Variants in SGK1 observed in about 807,000 individuals in gnomAD.
The protein encoded by SGK1 is serum/glucocorticoid regulated kinase 1, also known as serine/threonine-protein kinase Sgk1.
SGK1 carries 26 observed loss-of-function variants against 64.2 expected under a neutral mutation model. That is an observed-to-expected ratio of 0.40 (90% CI 0.30 to 0.56). The LOEUF (loss-of-function observed/expected upper bound fraction) is 0.56, where lower values mean the gene tolerates loss of function less well. Ranked by LOEUF, SGK1 falls within the 20% of genes least tolerant of loss-of-function variation. The probability of loss-of-function intolerance (pLI) is 0.38; values close to 1 mark genes in which losing one functional copy is unlikely to be tolerated. For synonymous variants in SGK1, 265 were observed against 239.7 expected, an observed-to-expected ratio of 1.11 and a Z score of -0.98; for missense variants, 519 against 645.6, an observed-to-expected ratio of 0.80 and a Z score of 2.12.
intron 2 of SGK1, among the ~76,000 whole-genome samples, chr6:134,217,946 C>G (rs867516726): frequency 1.3e-5 from 2 of 152,240 alleles, no homozygotes; most frequent in Non-Finnish European, 2.9e-5. Context: ...AATTCACCAC[C>G]CAACCCACTT....
At chr6:134,262,631 G>A (rs186419576) in intron 1 of SGK1, among the ~76,000 whole-genome samples, 19 of 151,948 alleles carry the variant, frequency 1.3e-4, no homozygotes, top group African/African-American at 4.3e-4. Context: ...CCTGGGAAGC[G>A]GAGGTTGCAG....
chr6:134,203,958 G>A (rs1775726221), intron 3 of SGK1, among the ~76,000 whole-genome samples: 1 of 151,964 alleles, frequency 6.6e-6, no homozygotes, highest in African/African-American at 2.4e-5. Flanking sequence ...CAGTTACTCA[G>A]GAGGCTGAGG....
rs887427106 is a variant in SGK1, at chr6:134,248,445, C to G, written c.285+13488G>C. Among the ~76,000 whole-genome samples, 11 of 103,040 alleles carry G rather than the reference C, an allele frequency of 1.1e-4. No homozygotes were observed. In the East Asian group the frequency reaches 1.4e-3, roughly 13 times the overall value. 67.6% of individuals were successfully genotyped at this position (103,040 alleles called of 152,430 possible). On this transcript the variant is annotated intron_variant, in intron 2 of 13. Coordinates refer to ENST00000367858, the MANE Select transcript of SGK1 (RefSeq NM_001143676.3). ...CTTAGAAACACCTGCTCTCCTCCGC[C>G]TTTTTTTTTTTTTTTTTTTTTTTTT...
chr6:134,262,043 C>G lies in SGK1; in HGVS notation c.175G>C (p.Asp59His). 2 of 1,614,002 alleles carry G rather than the reference C, an allele frequency of 1.2e-6. No individual in the cohort carries two copies. The highest frequency in any genetic ancestry group is 2.2e-5 in the South Asian group (2 of 91,080). ...SMVHIPPGEP[D>H]FESSLCQTCL... is the part of the protein sequence containing the mutation. The stretch of plus-strand genomic sequence containing the variant: ...GTTTGACACAAGGAAGACTCGAAGT[C>G]TGGCTCCCCTGGAGGGATGTGCACC... Residue 59 changes from aspartate (D) to histidine (H), a missense_variant, in exon 2 of 14, where the codon GAC becomes CAC. Physicochemically the swap from Asp to His is moderately conservative, Grantham distance 81. Around this residue, in one of 2 missense-constraint regions of SGK1, gnomAD observed 241 missense variants for 236.9 expected, o/e 1.02. Transcript: ENST00000367858.
chr6:134,306,573 G>T (rs560373778), intron 1 of SGK1, among the ~76,000 whole-genome samples: 2 of 152,062 alleles, frequency 1.3e-5, no homozygotes, highest in Non-Finnish European at 2.9e-5. Flanking sequence ...TCCCAGGCTG[G>T]AGTACAGTGG....
chr6:134,214,252 T>C (rs1775940407), intron 2 of SGK1, among the ~76,000 whole-genome samples: 2 of 152,128 alleles, frequency 1.3e-5, no homozygotes. Context: ...CTGACAACTT[T>C]TTTTTGCCTA....
chr6:134,234,652 G>A (rs1460235692), intron 2 of SGK1, among the ~76,000 whole-genome samples: 1 of 151,948 alleles, frequency 6.6e-6, no homozygotes, highest in Non-Finnish European at 1.5e-5. Context: ...CGGGGCGGGT[G>A]GATCACCTGA....
At chr6:134,311,699 A>G (rs1455420221) in intron 1 of SGK1, among the ~76,000 whole-genome samples, 1 of 152,120 alleles carries the variant, frequency 6.6e-6, no homozygotes, top group African/African-American at 2.4e-5. Context: ...CTACAGAGGA[A>G]TAAGCAGTAC....
intron 3 of SGK1, among the ~76,000 whole-genome samples, chr6:134,192,075 C>T (rs910366133): frequency 9.4e-4 from 143 of 151,882 alleles, no homozygotes; most frequent in African/African-American, 3.3e-3. Flanking sequence ...GTGATCCGCC[C>T]GCCTTGGCGT....
At chr6:134,192,065 G>A (rs1343859696) in intron 3 of SGK1, among the ~76,000 whole-genome samples, 5 of 151,584 alleles carry the variant, frequency 3.3e-5, no homozygotes, top group African/African-American at 7.3e-5. Context: ...TCCTGACCTC[G>A]TGATCCGCCC....
chr6:134,211,342 T>C (rs1380513831), intron 2 of SGK1: 2 of 152,122 alleles, frequency 1.3e-5, no homozygotes, highest in Non-Finnish European at 2.9e-5. Context: ...TGATTGTAGA[T>C]GTAAGACTGA....
intron 3 of SGK1, among the ~76,000 whole-genome samples, chr6:134,186,021 C>T (rs77643596): frequency 2.6e-3 from 394 of 151,862 alleles, no homozygotes; most frequent in African/African-American, 8.9e-3. Flanking sequence ...CAGACTCACA[C>T]ATCAGTCTCC....
intron 2 of SGK1, among the ~76,000 whole-genome samples, chr6:134,214,384 C>T (rs544165062): frequency 6.6e-5 from 10 of 152,040 alleles, no homozygotes; most frequent in Non-Finnish European, 1.0e-4. Context: ...TGAGGTCAGG[C>T]GTTCGAGACC....
Position 134,208,765 on chromosome 6 carries a change from T to C in SGK1, c.286-1334A>G, listed in dbSNP as rs59270495. Among the ~76,000 whole-genome samples the C allele has an allele frequency of 3.2e-4, 23 of 71,204 alleles. No homozygotes were observed. In the South Asian group the frequency reaches 0.011, roughly 35 times the overall value. 46.7% of individuals were successfully genotyped at this position (71,204 alleles called of 152,430 possible). On this transcript the variant is annotated intron_variant, in intron 2 of 13. Coordinates refer to ENST00000367858, the MANE Select transcript of SGK1 (RefSeq NM_001143676.3). ...GTATGCGTATATATATATATACACA[T>C]ATATATGTGTATATATAGATATACA...
chr6:134,281,563 G>T (rs1388217590), intron 1 of SGK1, among the ~76,000 whole-genome samples: 2 of 150,772 alleles, frequency 1.3e-5, no homozygotes, highest in Non-Finnish European at 1.5e-5. Flanking sequence ...GGTCTCCCAG[G>T]CAGGAGTGCA....
At chr6:134,182,483 G>A (rs1483389003) in intron 3 of SGK1, among the ~76,000 whole-genome samples, 4 of 150,686 alleles carry the variant, frequency 2.7e-5, no homozygotes, top group African/African-American at 4.9e-5. Context: ...GCAACACAGC[G>A]AGACTCCGTC....
At chr6:134,190,165 A>G (rs934537811) in intron 3 of SGK1, among the ~76,000 whole-genome samples, 1 of 152,012 alleles carries the variant, frequency 6.6e-6, no homozygotes. Context: ...TACTGTTTTT[A>G]TATCTACAAT....
intron 1 of SGK1, among the ~76,000 whole-genome samples, chr6:134,296,438 AC>A (rs1777348445): frequency 6.6e-6 from 1 of 151,982 alleles, no homozygotes; most frequent in African/African-American, 2.4e-5. Context: ...TGCTCAGCTA[AC>A]TTTTTCATTT....
chr6:134,270,976 T>C (rs1281360603), intron 1 of SGK1, among the ~76,000 whole-genome samples: 2 of 126,150 alleles, frequency 1.6e-5, no homozygotes, highest in African/African-American at 5.7e-5. Context: ...TTCATCAACG[T>C]ACGTTTTTCT....
Sources: gnomAD v4.1 joint callset for allele counts (sites outside exome capture counted in the v4.1 genomes callset) on GRCh38, gnomAD v4.1.1 for gene constraint, gnomAD v4.1.1 regional missense constraint, MANE v1.5 for transcripts, NCBI Gene and HGNC (gene_info 2026-07-23, HGNC 2026-07-21) for gene names.